The following MASP1 variants were observed in gnomAD, a reference collection of about 807,000 sequenced individuals.
The protein encoded by MASP1 is mannan-binding lectin serine protease 1.
A neutral mutation model predicts 77.1 loss-of-function variants in MASP1; 59 were observed. The ratio of observed to expected loss-of-function variants is 0.77; its 90% CI spans 0.62 to 0.95. The LOEUF (loss-of-function observed/expected upper bound fraction) is 0.95. Among genes scored for constraint, MASP1 ranks in the 40% least tolerant of loss-of-function variants. The pLI, the probability that MASP1 is intolerant of heterozygous loss-of-function variation, is 0.00. For missense variants in MASP1, 885 were observed against 912.9 expected, an observed-to-expected ratio of 0.97 and a Z score of 0.39; for synonymous variants, 362 against 354.5, an observed-to-expected ratio of 1.02 and a Z score of -0.24.
At position 187,224,491 on chromosome 3, in the gene MASP1, C is replaced by T. The variant is rs527256606; in HGVS notation, c.1741+833G>A. Among the ~76,000 whole-genome samples, 744 of 150,954 alleles carry T rather than the reference C, an allele frequency of 4.9e-3. 3 individuals are homozygous for T. The highest frequency in any genetic ancestry group is 7.3e-3 in the Non-Finnish European group (495 of 67,354). On this transcript the variant is annotated intron_variant, in intron 13 of 15. Transcript: ENST00000337774. ...CCTCCCAAGTAGCTGGGACTACAGGCGCCCGCCACTATGCCCGGCTAATTT... is the reference window on the plus strand; with the variant it reads ...CCTCCCAAGTAGCTGGGACTACAGGTGCCCGCCACTATGCCCGGCTAATTT...
Position 187,260,847 on chromosome 3 carries a change from C to G in MASP1, c.441G>C (p.Glu147Asp). Residue 147 changes from glutamate (E) to aspartate (D), a missense_variant, in exon 4 of 11, where the codon GAG becomes GAC. By Grantham distance (45) the Glu-to-Asp change is conservative (BLOSUM62 2). Transcript: ENST00000296280. ...AGTGGTCACAGGACAGCTCCTCGTC[C>G]TCCCTCTCCTTGCACTCGTCCACAT... ...AVDVDECKER[E>D]DEELSCDHYC... is the part of the protein sequence containing the mutation. 1 of 1,614,116 alleles carries G rather than the reference C, an allele frequency of 6.2e-7. No individual in the cohort carries two copies. Among genetic ancestry groups the G allele is most frequent in the South Asian group, 1.1e-5 (1 of 91,078 alleles).
intron 2 of MASP1, among the ~76,000 whole-genome samples, chr3:187,278,496 T>C (rs1717143801): frequency 6.6e-6 from 1 of 152,228 alleles, no homozygotes; most frequent in African/African-American, 2.4e-5. Flanking sequence ...CATCACTGTC[T>C]CTGTGCTCTT....
chr3:187,236,025 C>T lies in MASP1; in HGVS notation c.1846G>A (p.Val616Ile). 6.2e-7 allele frequency: 1 copy of T among 1,614,200 alleles called. No individual in the cohort carries two copies. Among genetic ancestry groups the T allele is most frequent in the Middle Eastern group, 1.6e-4 (1 of 6,062 alleles). Reference sequence around the variant, plus strand: ...ACGGGTAACTTGACATACTGCAGGACATCTGACAAGGTCCGTGTGCCACTG... The same window carrying T: ...ACGGGTAACTTGACATACTGCAGGATATCTGACAAGGTCCGTGTGCCACTG... ...ISSGTRTLSD[V>I]LQYVKLPVVP... The change falls in exon 11 of 11, where the codon GTC becomes ATC. Residue 616 changes from valine to isoleucine, a missense_variant. Val to Ile is a conservative substitution (Grantham distance 29). Coordinates refer to ENST00000296280, the MANE Select transcript of MASP1 (RefSeq NM_139125.4).
At chr3:187,220,020 C>G (rs776997817) in exon 16 of MASP1, 14 of 1,594,316 alleles carry the variant, frequency 8.8e-6, no homozygotes, top group Non-Finnish European at 1.2e-5. Flanking sequence ...GAGGATCGTC[C>G]TCTGCTACTG....
chr3:187,229,924 C>T (rs1712668842), downstream of MASP1: 1 of 1,613,586 alleles, frequency 6.2e-7, no homozygotes, highest in Non-Finnish European at 8.5e-7. Context: ...GAGGGAGAGA[C>T]AGATCAGACT....
rs535846193 is a variant in MASP1, at chr3:187,260,797, T to G, written c.491A>C (p.Tyr164Ser). 6.2e-7 allele frequency: 1 copy of G among 1,614,136 alleles called. No individual in the cohort carries two copies. Among genetic ancestry groups the G allele is most frequent in the Non-Finnish European group, 8.5e-7 (1 of 1,180,018 alleles). Residue 164 changes from tyrosine (Y) to serine (S), a missense_variant, in exon 4 of 11, where the codon TAC becomes TCC. By Grantham distance (144) the Tyr-to-Ser change is moderately radical. Transcript: ENST00000296280. ...DHYCHNYIGG[Y>S]YCSCRFGYIL... ...GTAGCCGAAGCGGCAGGAGCAGTAG[T>G]AGCCGCCAATGTAGTTGTGGCAGTA...
exon 16 of MASP1, chr3:187,219,957 G>A (rs2108496315): frequency 9.3e-7 from 1 of 1,079,378 alleles, no homozygotes; most frequent in Non-Finnish European, 1.4e-6. Context: ...GTAATGGATA[G>A]GCCGAAGGAG....
chr3:187,278,808 C>T (rs73191731), intron 2 of MASP1, among the ~76,000 whole-genome samples: 2,456 of 152,266 alleles, frequency 0.016, 35 homozygotes, highest in Middle Eastern at 0.034. Context: ...TTGAAGTATA[C>T]TACGCTCCAC....
chr3:187,225,235 T>C, intron 13 of MASP1: 3 of 1,453,656 alleles, frequency 2.1e-6, no homozygotes. Context: ...GTCAGCTGAC[T>C]TAATTGGCAC....
rs542917313 is a variant in MASP1, at chr3:187,269,607, C to T, written c.238-6887G>A. 6.4e-4 allele frequency among the ~76,000 whole-genome samples: 98 copies of T among 152,320 alleles called. 2 individuals are homozygous for T. In the South Asian group the frequency reaches 0.019, roughly 30 times the overall value. ...ATGGACTGGGGATCCACTCTCACCCCTCCAAGGAAGCAGAACTGGGCTCTA... is the reference window on the plus strand; with the variant it reads ...ATGGACTGGGGATCCACTCTCACCCTTCCAAGGAAGCAGAACTGGGCTCTA... On this transcript the variant is annotated intron_variant, in intron 2 of 10. Transcript: ENST00000296280.
downstream of MASP1, among the ~76,000 whole-genome samples, chr3:187,230,555 C>G (rs975868800): frequency 6.6e-6 from 1 of 152,180 alleles, no homozygotes; most frequent in African/African-American, 2.4e-5. Flanking sequence ...TCATTATGCT[C>G]CAGCCACATG....
chr3:187,281,906 A>G (rs1717442480), intron 2 of MASP1, among the ~76,000 whole-genome samples: 1 of 152,228 alleles, frequency 6.6e-6, no homozygotes, highest in African/African-American at 2.4e-5. Context: ...TTCCATTTAT[A>G]GCCAGAAAAA....
exon 16 of MASP1, chr3:187,217,827 A>G (rs1711849117): frequency 6.6e-6 from 1 of 152,228 alleles, no homozygotes; most frequent in South Asian, 2.1e-4. Context: ...AATTGGAGAA[A>G]TAAACAGAAT....
intron 2 of MASP1, among the ~76,000 whole-genome samples, chr3:187,264,136 T>A (rs1715828222): frequency 6.6e-6 from 1 of 152,260 alleles, no homozygotes. Context: ...TTGACACTCC[T>A]GTTTTGAAAC....
chr3:187,237,325 AG>A (rs1311471461), intron 10 of MASP1, among the ~76,000 whole-genome samples: 2 of 149,384 alleles, frequency 1.3e-5, no homozygotes, highest in African/African-American at 4.8e-5. Context: ...TAAGTCAGAT[AG>A]CAGAAGCTTA....
At chr3:187,263,004 A>G (rs1202256955) in intron 2 of MASP1, 2 of 400,538 alleles carry the variant, frequency 5.0e-6, no homozygotes, top group African/African-American at 2.0e-5. Flanking sequence ...ATAACTCAAT[A>G]TGAAAGTTTT....
chr3:187,232,164 C>T (rs1712803421), downstream of MASP1, among the ~76,000 whole-genome samples: 1 of 152,120 alleles, frequency 6.6e-6, no homozygotes, highest in Admixed American at 6.5e-5. Flanking sequence ...ACTACTTCAT[C>T]CCTCTTTACA....
chr3:187,232,625 G>T (rs1362814071), downstream of MASP1, among the ~76,000 whole-genome samples: 1 of 152,096 alleles, frequency 6.6e-6, no homozygotes, highest in Non-Finnish European at 1.5e-5. Context: ...CTGAGCTGCT[G>T]GTAAATCCCT....
intron 2 of MASP1, among the ~76,000 whole-genome samples, chr3:187,283,016 T>A (rs1307568917): frequency 6.6e-6 from 1 of 152,122 alleles, no homozygotes; most frequent in African/African-American, 2.4e-5. Flanking sequence ...GCAGAGAGGG[T>A]GCTGTAAAAT....
Sources: allele counts gnomAD v4.1 joint callset (sites outside exome capture counted in the v4.1 genomes callset), GRCh38; gene constraint gnomAD v4.1.1; transcripts MANE v1.5; gene names NCBI Gene and HGNC (gene_info 2026-07-23, HGNC 2026-07-21).